XRCC4: variants seen among roughly 807,000 people sequenced by gnomAD.
XRCC4 encodes DNA repair protein XRCC4.
Under a neutral mutation model 39.1 loss-of-function variants are expected in XRCC4, and 28 were observed. The ratio of observed to expected loss-of-function variants is 0.72; its 90% confidence interval spans 0.53 to 0.98. XRCC4 has a LOEUF of 0.98. Among genes scored for constraint, XRCC4 ranks in the 50% least tolerant of loss-of-function variants. The probability of loss-of-function intolerance (pLI) is 0.00; values close to 1 mark genes in which losing one functional copy is unlikely to be tolerated. For synonymous variants in XRCC4, 123 were observed against 126.4 expected (o/e 0.97, Z 0.18); for missense variants, 350 against 376.4 (o/e 0.93, Z 0.58).
intron 3 of XRCC4, among the ~76,000 whole-genome samples, chr5:83,166,460 G>GTTTTTTTTTTTTTTTTT (rs200217928): frequency 7.0e-6 from 1 of 142,208 alleles, no homozygotes; most frequent in Non-Finnish European, 1.5e-5. Context: ...GTTCCTGTTT[G>GTTTTTTTTTTTTTTTTT]TTTTTTTTTT....
intron 6 of XRCC4, 38 bp from the exon 7 acceptor site, chr5:83,258,492 A>G (rs747111598): frequency 1.3e-6 from 2 of 1,594,874 alleles, no homozygotes; most frequent in Admixed American, 1.9e-5. Context: ...GATGTGCATA[A>G]TTTTGTTGGG....
chr5:83,271,979 T>C (rs973078405), intron 7 of XRCC4, among the ~76,000 whole-genome samples: 5 of 152,160 alleles, frequency 3.3e-5, no homozygotes, highest in Non-Finnish European at 7.4e-5. Flanking sequence ...AATCCTAAAA[T>C]AGGAGGAAAC....
At chr5:83,220,470 T>C (rs1580386909) in intron 6 of XRCC4, among the ~76,000 whole-genome samples, 2 of 152,154 alleles carry the variant, frequency 1.3e-5, no homozygotes, top group Admixed American at 1.3e-4. Context: ...AGGTTACCAA[T>C]GATGAGGTTC....
intron 1 of XRCC4, among the ~76,000 whole-genome samples, chr5:83,095,742 T>C (rs1361308389): frequency 6.6e-6 from 1 of 152,206 alleles, no homozygotes; most frequent in African/African-American, 2.4e-5. Context: ...CAGATCTTTG[T>C]ACTTGCAGGA....
At chr5:83,091,389 T>G (rs574270715) in intron 1 of XRCC4, among the ~76,000 whole-genome samples, 2 of 152,262 alleles carry the variant, frequency 1.3e-5, no homozygotes, top group East Asian at 3.9e-4. Flanking sequence ...TCCACTATTA[T>G]GAGAACAGCA....
chr5:83,348,755 A>G (rs1224271977), intron 7 of XRCC4, among the ~76,000 whole-genome samples: 1 of 152,222 alleles, frequency 6.6e-6, no homozygotes, highest in Admixed American at 6.5e-5. Context: ...CTTTTCTACC[A>G]TATGGCTAGG....
chr5:83,334,748 C>G (rs910965213), intron 7 of XRCC4, among the ~76,000 whole-genome samples: 7 of 151,152 alleles, frequency 4.6e-5, no homozygotes, highest in Non-Finnish European at 8.9e-5. Flanking sequence ...TTATTTTGTC[C>G]TTTCTATTTT....
rs186998395 is a variant in XRCC4 at position 83,141,908 on chromosome 5, T to G, written c.315+30705T>G. ...AATGAATAAACTTAGGAAATGTGAT[T>G]AGAAAATAGACCTCTGTGTGGCCAT... On this transcript the variant is annotated intron_variant, in intron 3 of 7. Transcript: ENST00000396027. Among the ~76,000 whole-genome samples the G allele has an allele frequency of 8.6e-4, 131 of 152,280 alleles. No homozygotes were observed. The Middle Eastern group carries it at 0.01, about 12-fold the overall frequency.
intron 3 of XRCC4, among the ~76,000 whole-genome samples, chr5:83,133,684 A>C (rs997425767): frequency 2.6e-5 from 4 of 152,198 alleles, no homozygotes; most frequent in African/African-American, 9.7e-5. Flanking sequence ...GGGACTCTCC[A>C]AGCCAGGCGT....
rs545058157 is a variant in XRCC4, at chr5:83,269,465, A to G, written c.893+10788A>G. 2.6e-5 allele frequency among the ~76,000 whole-genome samples: 4 copies of G among 151,178 alleles called. No homozygotes were observed. The East Asian group carries it at 7.8e-4, about 29-fold the overall frequency. On this transcript the variant is annotated intron_variant, in intron 7 of 7. Coordinates refer to ENST00000396027, the MANE Select transcript of XRCC4 (RefSeq NM_003401.5). ...TCTAGAATGCCCAATTAAAATGAAT[A>G]GTAGAGGGAGGCACAAATAACAAAG...
At chr5:83,348,655 G>T (rs1438934523) in intron 7 of XRCC4, among the ~76,000 whole-genome samples, 2 of 152,224 alleles carry the variant, frequency 1.3e-5, no homozygotes, top group East Asian at 3.8e-4. Context: ...GAAATGCCTT[G>T]GAGGCACTGT....
In XRCC4 at chr5:83,286,514, A is replaced by G. The variant is rs527843816; in HGVS notation, c.893+27837A>G. Among the ~76,000 whole-genome samples, 16 of 152,244 alleles carry G rather than the reference A, an allele frequency of 1.1e-4. No homozygotes were observed. In the South Asian group the frequency reaches 3.1e-3, roughly 30 times the overall value. On this transcript the variant is annotated intron_variant, in intron 7 of 7. Coordinates refer to ENST00000396027, the MANE Select transcript of XRCC4 (RefSeq NM_003401.5). Reference sequence around the variant, plus strand: ...GGCAAGCAGGCTGGCTGGAAACTCAAATAGGAGTTAATGCTGCAGTCTTGA... The same window carrying G: ...GGCAAGCAGGCTGGCTGGAAACTCAGATAGGAGTTAATGCTGCAGTCTTGA...
At chr5:83,268,148 G>A (rs149434314) in intron 7 of XRCC4, among the ~76,000 whole-genome samples, 11 of 152,298 alleles carry the variant, frequency 7.2e-5, no homozygotes, top group African/African-American at 2.6e-4. Context: ...AATAGTGACT[G>A]TAATTGGTGT....
intron 2 of XRCC4, among the ~76,000 whole-genome samples, chr5:83,110,104 C>T (rs552644275): frequency 6.6e-6 from 1 of 152,040 alleles, no homozygotes; most frequent in South Asian, 2.1e-4. Context: ...TAATGACCCC[C>T]AGAAAGGCAA....
Position 83,196,158 on chromosome 5 carries a change from A to G in XRCC4, c.482+222A>G, listed in dbSNP as rs184439400. Among the ~76,000 whole-genome samples, 10 of 152,250 alleles carry G rather than the reference A, an allele frequency of 6.6e-5. No homozygotes were observed. In the East Asian group the frequency reaches 1.2e-3, roughly 18 times the overall value. ...TGTGGTGGCACCAGCAAATTTATAA[A>G]CAATAAGGATTAATTGGGCATTGAA... On this transcript the variant is annotated intron_variant, in intron 4 of 7. Coordinates refer to ENST00000396027, the MANE Select transcript of XRCC4 (RefSeq NM_003401.5).
In XRCC4 at chr5:83,218,062, T is replaced by TTA. The variant is rs560667796; in HGVS notation, c.745+13157_745+13158dup. On this transcript the variant is annotated intron_variant, in intron 6 of 7. Transcript: ENST00000396027. ...TTGAACTTCTCAGTCTTTACCTTTT[T>TTA]TATATATATATATATATTTATTAGA... Among the ~76,000 whole-genome samples, 938 of 147,596 alleles carry TTA rather than the reference T, an allele frequency of 6.4e-3. 10 individuals are homozygous for TTA. Among genetic ancestry groups the TTA allele is most frequent in the African/African-American group, 0.021 (841 of 39,874 alleles).
chr5:83,122,107 A>G (rs781417975), intron 3 of XRCC4, among the ~76,000 whole-genome samples: 5 of 152,308 alleles, frequency 3.3e-5, no homozygotes, highest in Non-Finnish European at 5.9e-5. Context: ...AGGTGAAATC[A>G]TGTAGTATAA....
chr5:83,097,537 T>C (rs1745737214), intron 1 of XRCC4, among the ~76,000 whole-genome samples: 1 of 133,108 alleles, frequency 7.5e-6, no homozygotes, highest in African/African-American at 3.0e-5. Flanking sequence ...TACATTTCAG[T>C]TCTGAAAAAC....
intron 6 of XRCC4, among the ~76,000 whole-genome samples, chr5:83,256,671 C>G (rs919159853): frequency 3.3e-5 from 5 of 151,538 alleles, no homozygotes; most frequent in African/African-American, 1.2e-4. Context: ...TTTAATTTAC[C>G]CTTATCTATT....
Sources: gnomAD v4.1 joint callset for allele counts (sites outside exome capture counted in the v4.1 genomes callset) on GRCh38, gnomAD v4.1.1 for gene constraint, MANE v1.5 for transcripts, NCBI Gene and HGNC (gene_info 2026-07-23, HGNC 2026-07-21) for gene names.